The following ADARB1 variants were observed in gnomAD, a reference collection of about 807,000 sequenced individuals.
ADARB1 encodes the protein adenosine deaminase RNA specific B1, also known as double-stranded RNA-specific editase 1.
Under a neutral mutation model 52.4 loss-of-function variants are expected in ADARB1, and 10 were observed. That is an observed-to-expected ratio of 0.19 (90% confidence interval 0.12 to 0.32). The LOEUF is 0.32. Ranked by LOEUF, ADARB1 falls within the 10% of genes least tolerant of loss-of-function variation. The probability of loss-of-function intolerance (pLI) is 1.00; values close to 1 mark genes in which losing one functional copy is unlikely to be tolerated. For missense variants in ADARB1, 643 were observed against 922.3 expected, an observed-to-expected ratio of 0.70 and a Z score of 3.92; for synonymous variants, 349 against 371.1, an observed-to-expected ratio of 0.94 and a Z score of 0.68.
intron 8 of ADARB1, among the ~76,000 whole-genome samples, chr21:45,189,708 T>A (rs1483633406): frequency 6.6e-6 from 1 of 151,844 alleles, no homozygotes; most frequent in African/African-American, 2.4e-5. Context: ...TTTTGCCAGA[T>A]CAAATATGCT....
chr21:45,187,678 T>G (rs1475310517), intron 8 of ADARB1, among the ~76,000 whole-genome samples: 1 of 152,046 alleles, frequency 6.6e-6, no homozygotes, highest in Non-Finnish European at 1.5e-5. Context: ...GTTGAGTTAG[T>G]TTTTTTTCTA....
intron 1 of ADARB1, among the ~76,000 whole-genome samples, chr21:45,113,467 G>GTATA (rs143989319): frequency 2.0e-5 from 3 of 147,290 alleles, no homozygotes; most frequent in African/African-American, 7.5e-5. Flanking sequence ...GTGTGTGTGT[G>GTATA]TATATATATA....
rs1236317257 is a variant in ADARB1 at position 45,221,995 on chromosome 21, T to C, written c.1927-23T>C. ...ATCTGTTACAGCGTCAACAGTTGCA[T>C]TTGTTTTTTTATCCCTTCACAGGTT... On this transcript the variant is annotated intron_variant, in intron 10 of 10. Coordinates refer to ENST00000348831, the MANE Select transcript of ADARB1 (RefSeq NM_001112.4). The surrounding 1 kb of genome is among the most constrained non-coding windows in gnomAD (Gnocchi z 4.9). 4.3e-6 allele frequency: 7 copies of C among 1,609,514 alleles called. No individual in the cohort carries two copies. The African/African-American group carries it at 8.0e-5, about 18-fold the overall frequency.
At chr21:45,082,521 AG>A (rs1178766079) in intron 1 of ADARB1, among the ~76,000 whole-genome samples, 1 of 152,204 alleles carries the variant, frequency 6.6e-6, no homozygotes, top group Non-Finnish European at 1.5e-5. Flanking sequence ...GCTCTTCTTC[AG>A]GGTCCTTGTA....
At chr21:45,210,458 A>G (rs915248756) in intron 9 of ADARB1, among the ~76,000 whole-genome samples, 1 of 152,210 alleles carries the variant, frequency 6.6e-6, no homozygotes, top group Non-Finnish European at 1.5e-5. Flanking sequence ...TACAGTTACC[A>G]TTACCTATTG....
intron 1 of ADARB1, among the ~76,000 whole-genome samples, chr21:45,094,093 T>A (rs1473440917): frequency 6.6e-6 from 1 of 152,230 alleles, no homozygotes; most frequent in Non-Finnish European, 1.5e-5. Context: ...TAATGTTCTC[T>A]TTCATAAGAT....
intron 1 of ADARB1, among the ~76,000 whole-genome samples, chr21:45,094,786 G>C (rs559612816): frequency 6.6e-6 from 1 of 152,138 alleles, no homozygotes; most frequent in African/African-American, 2.4e-5. Context: ...AATTTCTAGT[G>C]ATGCAGATGT....
At chr21:45,101,738 G>A (rs2087027647) in intron 1 of ADARB1, among the ~76,000 whole-genome samples, 1 of 152,202 alleles carries the variant, frequency 6.6e-6, no homozygotes, top group Admixed American at 6.5e-5. Flanking sequence ...CAAGCTTTTG[G>A]AGTTTTTGAA....
intron 1 of ADARB1, among the ~76,000 whole-genome samples, chr21:45,119,291 G>A (rs552676586): frequency 6.6e-5 from 10 of 152,232 alleles, no homozygotes; most frequent in Admixed American, 2.0e-4. Context: ...GGGTCTTGCC[G>A]TGTTGCCCAG....
intron 1 of ADARB1, among the ~76,000 whole-genome samples, chr21:45,077,898 A>G (rs2086006721): frequency 6.6e-6 from 1 of 152,190 alleles, no homozygotes; most frequent in Non-Finnish European, 1.5e-5. Context: ...TTTCTTTCCA[A>G]GTTGACAGCT....
Position 45,204,456 on chromosome 21 carries a change from G to A in ADARB1, c.1566-99G>A, listed in dbSNP as rs961064162. 1.9e-4 allele frequency: 220 copies of A among 1,182,390 alleles called. No individual in the cohort carries two copies. The highest frequency in any genetic ancestry group is 2.5e-4 in the Non-Finnish European group (205 of 827,432). 73.2% of individuals were successfully genotyped at this position (1,182,390 alleles called of 1,614,324 possible). A position where few individuals can be genotyped will look rare whatever the true frequency, so the allele number is the denominator to read the frequency against. ...CTTCGTCAGTTGGTTGGGATCCTGC[G>A]GAATTGCCAGTGCATCCCTGTAACC... On this transcript the variant is annotated intron_variant, in intron 8 of 10. Transcript: ENST00000348831. This position sits in a 1 kb window ranked among gnomAD's most constrained non-coding sequence, Gnocchi z 4.4.
At position 45,136,775 on chromosome 21, in the gene ADARB1, C is replaced by T. The variant is rs138960039; in HGVS notation, c.-48+8202C>T. On this transcript the variant is annotated intron_variant, in intron 2 of 10. Transcript: ENST00000348831. ...TGTGCGCTGCAGGGAGAATCCCGCCCCCAGCTGGTGTCCACAGGGGCCAGG... is the reference window on the plus strand; with the variant it reads ...TGTGCGCTGCAGGGAGAATCCCGCCTCCAGCTGGTGTCCACAGGGGCCAGG... Among the ~76,000 whole-genome samples, 222 of 152,338 alleles carry T rather than the reference C, an allele frequency of 1.5e-3. 1 individual carries two copies. Among genetic ancestry groups the T allele is most frequent in the Middle Eastern group, 3.4e-3 (1 of 294 alleles).
chr21:45,199,036 T>A (rs914411535), intron 8 of ADARB1, among the ~76,000 whole-genome samples: 1 of 152,090 alleles, frequency 6.6e-6, no homozygotes, highest in Non-Finnish European at 1.5e-5. Flanking sequence ...CAACATACAA[T>A]CTGAAAAGAC....
At chr21:45,133,510 A>AT (rs2089085429) in intron 2 of ADARB1, 2 of 157,114 alleles carry the variant, frequency 1.3e-5, no homozygotes. Flanking sequence ...CATCTGTAAA[A>AT]TCCCTTCACC....
chr21:45,127,260 T>C (rs989752263), intron 1 of ADARB1, among the ~76,000 whole-genome samples: 2 of 152,128 alleles, frequency 1.3e-5, no homozygotes, highest in African/African-American at 4.8e-5. Flanking sequence ...TTGGGACCGC[T>C]GGGGAGGGTG....
At chr21:45,194,388 G>A (rs1318272592) in intron 8 of ADARB1, among the ~76,000 whole-genome samples, 1 of 152,168 alleles carries the variant, frequency 6.6e-6, no homozygotes, top group African/African-American at 2.4e-5. Flanking sequence ...CACAGTGTGA[G>A]ACCAGAGTAG....
chr21:45,161,833 G>A (rs1433802470), intron 2 of ADARB1, among the ~76,000 whole-genome samples: 2 of 152,124 alleles, frequency 1.3e-5, no homozygotes, highest in Non-Finnish European at 2.9e-5. Context: ...ACTTTCCTCT[G>A]AAGCCCATAA....
intron 8 of ADARB1, among the ~76,000 whole-genome samples, chr21:45,187,093 T>A (rs1398364478): frequency 6.6e-6 from 1 of 152,236 alleles, no homozygotes; most frequent in Non-Finnish European, 1.5e-5. Context: ...TTATGTTGAC[T>A]CTATAGATTG....
At chr21:45,155,322 G>T (rs945577293) in intron 2 of ADARB1, among the ~76,000 whole-genome samples, 1 of 152,138 alleles carries the variant, frequency 6.6e-6, no homozygotes, top group Non-Finnish European at 1.5e-5. Flanking sequence ...ACCCTTCACA[G>T]AGTGAGCAGA....
Sources: allele counts gnomAD v4.1 joint callset (sites outside exome capture counted in the v4.1 genomes callset), GRCh38; gene constraint gnomAD v4.1.1; non-coding constraint Gnocchi (gnomAD v3.1); transcripts MANE v1.5; gene names NCBI Gene and HGNC (gene_info 2026-07-23, HGNC 2026-07-21).